Variants in ZNF385C observed in about 807,000 individuals in gnomAD.
ZNF385C encodes zinc finger protein 385C.
ZNF385C carries 28 observed loss-of-function variants against 35.4 expected under a neutral mutation model. That is an observed-to-expected ratio of 0.79 (90% CI 0.59 to 1.08). ZNF385C has a LOEUF of 1.08. ZNF385C is among the 50% of genes least tolerant of loss of function. The pLI, the probability that ZNF385C is intolerant of heterozygous loss-of-function variation, is 0.00. For synonymous variants in ZNF385C, 248 were observed against 248.2 expected, an observed-to-expected ratio of 1.00 and a Z score of 0.01; for missense variants, 605 against 595.6, an observed-to-expected ratio of 1.02 and a Z score of -0.16.
chr17:42,032,808 G>T (rs1208275200), intron 4 of ZNF385C, among the ~76,000 whole-genome samples: 1 of 151,588 alleles, frequency 6.6e-6, no homozygotes, highest in African/African-American at 2.4e-5. Context: ...TGCCTCCTGG[G>T]TTCAAGCGAT....
At chr17:42,053,021 G>C (rs1409593778) in intron 2 of ZNF385C, among the ~76,000 whole-genome samples, 1 of 152,202 alleles carries the variant, frequency 6.6e-6, no homozygotes, top group East Asian at 1.9e-4. Context: ...AAAGTGGAGA[G>C]TGAGAGGTTG....
chr17:42,034,192 C>T (rs1555655189), intron 4 of ZNF385C, 33 bp downstream of exon 4: 2 of 1,526,598 alleles, frequency 1.3e-6, no homozygotes, highest in African/African-American at 1.4e-5. Flanking sequence ...GCCCAGCCCC[C>T]TCCCCAGACC....
chr17:42,087,818 CAG>C (rs1598206273), intron 1 of ZNF385C, among the ~76,000 whole-genome samples: 4 of 152,176 alleles, frequency 2.6e-5, no homozygotes, highest in African/African-American at 7.2e-5. Flanking sequence ...TAATGTCTGA[CAG>C]AGTTAGTGAT....
intron 1 of ZNF385C, among the ~76,000 whole-genome samples, chr17:42,069,954 A>G (rs560080485): frequency 6.6e-6 from 1 of 152,276 alleles, no homozygotes; most frequent in South Asian, 2.1e-4. Flanking sequence ...AGGCAGGAGA[A>G]TTGCTTGAAC....
intron 1 of ZNF385C, among the ~76,000 whole-genome samples, chr17:42,071,351 T>G (rs1160986055): frequency 2.0e-5 from 3 of 152,010 alleles, no homozygotes; most frequent in Admixed American, 2.0e-4. Context: ...GAAGGAGCAG[T>G]ATGGTCCAGA....
chr17:42,053,117 C>T (rs1246213793), intron 2 of ZNF385C, among the ~76,000 whole-genome samples: 3 of 152,212 alleles, frequency 2.0e-5, no homozygotes, highest in Non-Finnish European at 4.4e-5. Context: ...ACTTCTGGGT[C>T]ATCTAGCACT....
At position 42,026,896 on chromosome 17, in the gene ZNF385C, G is replaced by T. The variant is rs371229621; in HGVS notation, c.*1C>A. 6.3e-6 allele frequency: 10 copies of T among 1,584,854 alleles called. No individual in the cohort carries two copies. The African/African-American group carries it at 1.3e-4, about 21-fold the overall frequency. ...AATCAGCTCTGGCCTCCCCATGAGGGCTAATAAGGGGCAAGGACGATAGGT... is the reference window on the plus strand; with the variant it reads ...AATCAGCTCTGGCCTCCCCATGAGGTCTAATAAGGGGCAAGGACGATAGGT... On this transcript the variant is annotated 3_prime_UTR_variant, in exon 9 of 9. Transcript: ENST00000692273.
chr17:42,039,676 C>T lies in ZNF385C; in HGVS notation c.251-1791G>A, dbSNP rs2052957551. 3.2e-6 allele frequency: 4 copies of T among 1,232,082 alleles called. No homozygotes were observed. The Admixed American group carries it at 1.7e-4, about 52-fold the overall frequency. 76.3% of individuals were successfully genotyped at this position (1,232,082 alleles called of 1,614,324 possible). On this transcript the variant is annotated intron_variant, in intron 2 of 8. Coordinates refer to ENST00000692273, the MANE Select transcript of ZNF385C (RefSeq NM_001392013.1). ...CCCTTACAGTGCCCAGGGCCCCAGG[C>T]TGGATGGGCCGAGGGAAGGAGGCCA...
chr17:42,083,498 C>T (rs1298288064), intron 1 of ZNF385C, among the ~76,000 whole-genome samples: 41 of 151,972 alleles, frequency 2.7e-4, no homozygotes, highest in Middle Eastern at 6.8e-3. Context: ...TGAGCCACCG[C>T]GCCTGGCCAT....
chr17:42,066,850 C>CCTGAGGCTGG (rs2053553828), intron 1 of ZNF385C, among the ~76,000 whole-genome samples: 1 of 151,972 alleles, frequency 6.6e-6, no homozygotes, highest in Non-Finnish European at 1.5e-5. Flanking sequence ...GGGTGGATCA[C>CCTGAGGCTGG]GAGATCAGGA....
At position 42,051,928 on chromosome 17, in the gene ZNF385C, G is replaced by A. The variant is rs141710817; in HGVS notation, c.250+10879C>T. ...GAGCGCGAATCACATGCACACACAC[G>A]TGTGGCCGCCTGACTCCTGGCTACA... On this transcript the variant is annotated intron_variant, in intron 2 of 8. Transcript: ENST00000692273. 9.8e-3 allele frequency among the ~76,000 whole-genome samples: 1,485 copies of A among 152,272 alleles called. 9 individuals carry two copies. The highest frequency in any genetic ancestry group is 0.02 in the Middle Eastern group (6 of 294).
chr17:42,028,478 A>C (rs2052649260), intron 6 of ZNF385C: 4 of 584,152 alleles, frequency 6.8e-6, no homozygotes, highest in Non-Finnish European at 1.2e-5. Flanking sequence ...CTTTGCTTTG[A>C]TCTCAGTCCT....
intron 2 of ZNF385C, among the ~76,000 whole-genome samples, chr17:42,057,773 G>A (rs552087759): frequency 7.2e-5 from 11 of 152,088 alleles, no homozygotes; most frequent in South Asian, 2.1e-4. Context: ...GTGAAACTCC[G>A]TCTCTACTAA....
At chr17:42,048,579 T>C (rs1455517980) in intron 2 of ZNF385C, among the ~76,000 whole-genome samples, 1 of 151,996 alleles carries the variant, frequency 6.6e-6, no homozygotes, top group African/African-American at 2.4e-5. Flanking sequence ...TATGCCCCTC[T>C]CCCAATCATC....
At chr17:42,064,250 G>C (rs112109092) in intron 1 of ZNF385C, among the ~76,000 whole-genome samples, 14 of 152,150 alleles carry the variant, frequency 9.2e-5, no homozygotes, top group African/African-American at 3.1e-4. Flanking sequence ...TTCTATTCTG[G>C]GGCTGCTCAG....
At chr17:42,029,171 T>A (rs532970627) in intron 5 of ZNF385C, 98 bp from the exon 6 acceptor site, 1 of 1,348,822 alleles carries the variant, frequency 7.4e-7, no homozygotes, top group East Asian at 2.5e-5. Flanking sequence ...CCCTGGTGGA[T>A]GACCAGCACT....
At chr17:42,083,838 C>T (rs1260689514) in intron 1 of ZNF385C, among the ~76,000 whole-genome samples, 1 of 150,238 alleles carries the variant, frequency 6.7e-6, no homozygotes, top group African/African-American at 2.4e-5. Context: ...CCTGCCTCAG[C>T]CTCCCAAGTA....
intron 2 of ZNF385C, chr17:42,038,166 C>A: frequency 8.2e-7 from 1 of 1,214,466 alleles, no homozygotes; most frequent in Non-Finnish European, 1.1e-6. Context: ...CCCAGGGCAG[C>A]CCAGCCAAGA....
At chr17:42,089,682 G>A (rs2053844810) in intron 1 of ZNF385C, among the ~76,000 whole-genome samples, 1 of 152,164 alleles carries the variant, frequency 6.6e-6, no homozygotes, top group South Asian at 2.1e-4. Context: ...AAAATGGAAT[G>A]GGGTTACCCA....
Sources: gnomAD v4.1 joint callset for allele counts (sites outside exome capture counted in the v4.1 genomes callset) on GRCh38, gnomAD v4.1.1 for gene constraint, MANE v1.5 for transcripts, NCBI Gene and HGNC (gene_info 2026-07-23, HGNC 2026-07-21) for gene names.